The following PRKG1 variants were observed in gnomAD, a reference collection of about 807,000 sequenced individuals.
PRKG1 encodes the protein cGMP-dependent protein kinase 1.
In PRKG1, 35 loss-of-function variants were observed where a neutral mutation model predicts 88.1. The observed-to-expected ratio is 0.40, with a 90% CI of 0.30 to 0.53. The LOEUF (loss-of-function observed/expected upper bound fraction) is 0.53, where lower values mean the gene tolerates loss of function less well. Among genes scored for constraint, PRKG1 ranks in the 20% least tolerant of loss-of-function variants. The pLI, the probability that PRKG1 is intolerant of heterozygous loss-of-function variation, is 0.59. For missense variants in PRKG1, 540 were observed against 839.8 expected (o/e 0.64, Z 4.41); for synonymous variants, 303 against 292.5 (o/e 1.04, Z -0.37).
intron 4 of PRKG1, among the ~76,000 whole-genome samples, chr10:51,842,453 C>T (rs185035697): frequency 1.1e-4 from 16 of 152,304 alleles, no homozygotes; most frequent in African/African-American, 3.6e-4. Flanking sequence ...AAAGAAGACC[C>T]TCCTATTCAG....
intron 3 of PRKG1, among the ~76,000 whole-genome samples, chr10:51,781,766 T>C (rs555614597): frequency 6.6e-6 from 1 of 152,284 alleles, no homozygotes; most frequent in East Asian, 1.9e-4. Context: ...TAATAACTAT[T>C]GTCCTTGAGA....
chr10:51,228,943 A>G (rs905717207), intron 2 of PRKG1, among the ~76,000 whole-genome samples: 6 of 152,092 alleles, frequency 3.9e-5, no homozygotes, highest in African/African-American at 1.4e-4. Flanking sequence ...GTTTCTTTCC[A>G]TCATGACCGT....
intron 1 of PRKG1, among the ~76,000 whole-genome samples, chr10:51,101,608 A>G (rs1263617549): frequency 6.6e-6 from 1 of 152,158 alleles, no homozygotes; most frequent in Non-Finnish European, 1.5e-5. Context: ...AGATGCACAT[A>G]TTTCCACTCC....
chr10:51,028,643 G>A (rs1200902135), intron 1 of PRKG1, among the ~76,000 whole-genome samples: 1 of 152,122 alleles, frequency 6.6e-6, no homozygotes, highest in Non-Finnish European at 1.5e-5. Context: ...AATTGTCAGG[G>A]AAGAAGAATG....
intron 2 of PRKG1, among the ~76,000 whole-genome samples, chr10:51,189,839 A>G (rs942127127): frequency 1.3e-5 from 2 of 151,948 alleles, no homozygotes; most frequent in African/African-American, 4.8e-5. Context: ...TATATTTTGT[A>G]TTTATTTATT....
At chr10:52,232,590 TG>T (rs1247213487) in intron 9 of PRKG1, among the ~76,000 whole-genome samples, 1 of 152,246 alleles carries the variant, frequency 6.6e-6, no homozygotes, top group East Asian at 1.9e-4. Flanking sequence ...TGCAATTGTT[TG>T]CCCCATATTT....
At chr10:51,948,837 G>GT (rs1438993927) in intron 5 of PRKG1, among the ~76,000 whole-genome samples, 2 of 152,148 alleles carry the variant, frequency 1.3e-5, no homozygotes, top group African/African-American at 4.8e-5. Context: ...AAACTAAACT[G>GT]TAGGGCAATC....
chr10:51,436,258 A>C (rs572741305), intron 2 of PRKG1, among the ~76,000 whole-genome samples: 2 of 151,192 alleles, frequency 1.3e-5, no homozygotes, highest in African/African-American at 2.4e-5. Flanking sequence ...CAGTGGTACT[A>C]TCTACCTGTG....
At chr10:51,536,844 C>A (rs1842167917) in intron 3 of PRKG1, among the ~76,000 whole-genome samples, 1 of 143,976 alleles carries the variant, frequency 6.9e-6, no homozygotes, top group Non-Finnish European at 1.5e-5. Flanking sequence ...TGTTCCCCTT[C>A]CTGTGTCCAT....
rs142707176 is a variant in PRKG1, at chr10:52,028,179, C to G, written c.763-26305C>G. ...TCCTGCCCTCACAATAGGAGATTCT[C>G]TACAGGGCACCCAGGTCGAACAGAC... On this transcript the variant is annotated intron_variant, in intron 5 of 17. Transcript: ENST00000373980. Among the ~76,000 whole-genome samples the G allele has an allele frequency of 1.5e-4, 23 of 152,126 alleles. No individual in the cohort carries two copies. The East Asian group carries it at 4.5e-3, about 29-fold the overall frequency.
At chr10:51,746,873 G>A (rs932064290) in intron 3 of PRKG1, among the ~76,000 whole-genome samples, 2 of 152,098 alleles carry the variant, frequency 1.3e-5, no homozygotes, top group African/African-American at 4.8e-5. Context: ...CTCCATGTAC[G>A]GCAACAAAAT....
chr10:52,013,286 G>A (rs1438024330), intron 5 of PRKG1, among the ~76,000 whole-genome samples: 1 of 152,176 alleles, frequency 6.6e-6, no homozygotes, highest in Non-Finnish European at 1.5e-5. Context: ...AGGCGTGGTG[G>A]TGGACACCTG....
intron 3 of PRKG1, among the ~76,000 whole-genome samples, chr10:51,713,955 GT>G (rs1273719697): frequency 6.6e-6 from 1 of 152,062 alleles, no homozygotes; most frequent in Non-Finnish European, 1.5e-5. Context: ...GTTCACTGTT[GT>G]TTTTATTTAT....
intron 9 of PRKG1, among the ~76,000 whole-genome samples, chr10:52,200,539 T>C (rs1009470662): frequency 6.6e-5 from 10 of 152,230 alleles, no homozygotes; most frequent in Non-Finnish European, 1.2e-4. Context: ...TATGTCTTTA[T>C]GGTAGAACAA....
At chr10:51,720,677 A>C (rs1564620634) in intron 3 of PRKG1, among the ~76,000 whole-genome samples, 1 of 152,198 alleles carries the variant, frequency 6.6e-6, no homozygotes, top group East Asian at 1.9e-4. Flanking sequence ...TGGTCTTACT[A>C]GTTGGTGTAA....
In PRKG1 at chr10:51,573,676, A is replaced by G. The variant is rs989414837; in HGVS notation, c.592+105840A>G. Among the ~76,000 whole-genome samples the G allele has an allele frequency of 1.5e-4, 23 of 151,844 alleles. 1 individual carries two copies. The highest frequency in any genetic ancestry group is 1.3e-3 in the Admixed American group (19 of 15,200). Reference sequence around the variant, plus strand: ...TCTTGAACAGAGCCTCCTGAATTCTATAAGCTTTAGGCCCCACATAACCTT... The same window carrying G: ...TCTTGAACAGAGCCTCCTGAATTCTGTAAGCTTTAGGCCCCACATAACCTT... On this transcript the variant is annotated intron_variant, in intron 3 of 17. Transcript: ENST00000373980.
Position 51,340,051 on chromosome 10 carries a change from C to G in PRKG1, c.479-127672C>G, listed in dbSNP as rs545884248. Among the ~76,000 whole-genome samples the G allele has an allele frequency of 1.8e-3, 275 of 152,222 alleles. 2 individuals carry two copies. The highest frequency in any genetic ancestry group is 6.4e-3 in the African/African-American group (264 of 41,558). On this transcript the variant is annotated intron_variant, in intron 2 of 17. Coordinates refer to ENST00000373980, the MANE Select transcript of PRKG1 (RefSeq NM_006258.4). ...CTTTCAGATGGAATAAAAGCCTCTG[C>G]TAGTGGATCTCAGCTTTATAACCAT... is the stretch of plus-strand genomic sequence containing the variant.
intron 2 of PRKG1, among the ~76,000 whole-genome samples, chr10:51,188,019 T>C (rs1413950333): frequency 6.6e-6 from 1 of 152,090 alleles, no homozygotes; most frequent in East Asian, 1.9e-4. Context: ...TTCTGTCCTC[T>C]GTTGCTCCTA....
chr10:52,138,873 T>C (rs1837499247), intron 8 of PRKG1, among the ~76,000 whole-genome samples: 1 of 152,132 alleles, frequency 6.6e-6, no homozygotes, highest in African/African-American at 2.4e-5. Flanking sequence ...GATATATTCA[T>C]GCCATATATT....
Sources: gnomAD v4.1 joint callset for allele counts (sites outside exome capture counted in the v4.1 genomes callset) on GRCh38, gnomAD v4.1.1 for gene constraint, MANE v1.5 for transcripts, NCBI Gene and HGNC (gene_info 2026-07-23, HGNC 2026-07-21) for gene names.